FBXL7: variants seen among roughly 807,000 people sequenced by gnomAD.
FBXL7 encodes F-box and leucine rich repeat protein 7, also known as F-box/LRR-repeat protein 7.
Under a neutral mutation model 38.3 loss-of-function variants are expected in FBXL7, and 12 were observed. The ratio of observed to expected loss-of-function variants is 0.31; its 90% CI spans 0.20 to 0.51. The LOEUF (loss-of-function observed/expected upper bound fraction) is 0.51. Among genes scored for constraint, FBXL7 ranks in the 20% least tolerant of loss-of-function variants. The pLI is 0.98. For missense variants in FBXL7, 567 were observed against 676.4 expected (o/e 0.84, Z 1.79); for synonymous variants, 297 against 300.9 (o/e 0.99, Z 0.13).
chr5:15,717,083 G>A (rs1744061962), intron 2 of FBXL7, among the ~76,000 whole-genome samples: 1 of 152,148 alleles, frequency 6.6e-6, no homozygotes, highest in Non-Finnish European at 1.5e-5. Context: ...CATTCCATAT[G>A]ATTAAAGATC....
intron 2 of FBXL7, among the ~76,000 whole-genome samples, chr5:15,681,285 T>A (rs1370636635): frequency 6.6e-6 from 1 of 152,210 alleles, no homozygotes; most frequent in Non-Finnish European, 1.5e-5. Flanking sequence ...ACTTTAGAAT[T>A]ATGCTGATAA....
At chr5:15,541,429 A>ATGTG (rs1269400393) in intron 1 of FBXL7, among the ~76,000 whole-genome samples, 10 of 93,906 alleles carry the variant, frequency 1.1e-4, no homozygotes, top group African/African-American at 4.1e-4. Context: ...CATATAGTAT[A>ATGTG]TATGTGTGTG....
Position 15,938,870 on chromosome 5 carries a change from A to G in FBXL7, c.*1684A>G, listed in dbSNP as rs1435743078. On this transcript the variant is annotated 3_prime_UTR_variant, in exon 4 of 4. Transcript: ENST00000504595. ...TCACTTGTCTTTTGCTAATAAACACATGGCCCTTTCCCAGATTATTCTCTA... is the reference window on the plus strand; with the variant it reads ...TCACTTGTCTTTTGCTAATAAACACGTGGCCCTTTCCCAGATTATTCTCTA... The G allele has an allele frequency of 2.5e-6, 1 of 397,778 alleles. No homozygotes were observed. The highest frequency in any genetic ancestry group is 4.4e-6 in the Non-Finnish European group (1 of 225,848). The allele number at this position is 397,778 out of a possible 1,614,324, so 24.6% of individuals were successfully genotyped here. A position where few individuals can be genotyped will look rare whatever the true frequency, so the allele number is the denominator to read the frequency against.
At chr5:15,718,158 G>A (rs867948619) in intron 2 of FBXL7, among the ~76,000 whole-genome samples, 58 of 152,070 alleles carry the variant, frequency 3.8e-4, no homozygotes, top group Non-Finnish European at 1.3e-4. Flanking sequence ...ACTTACTTGC[G>A]CACACACAGC....
At chr5:15,688,170 A>T (rs1164981138) in intron 2 of FBXL7, among the ~76,000 whole-genome samples, 1 of 152,194 alleles carries the variant, frequency 6.6e-6, no homozygotes, top group Non-Finnish European at 1.5e-5. Context: ...GAAATTATAT[A>T]TGTCGGTTAT....
At chr5:15,698,839 AC>A (rs1743429417) in intron 2 of FBXL7, among the ~76,000 whole-genome samples, 1 of 152,138 alleles carries the variant, frequency 6.6e-6, no homozygotes, top group East Asian at 1.9e-4. Context: ...TAATCAGGAA[AC>A]CCTATTCTTT....
intron 2 of FBXL7, among the ~76,000 whole-genome samples, chr5:15,873,850 G>A (rs1740081103): frequency 6.6e-6 from 1 of 152,102 alleles, no homozygotes; most frequent in African/African-American, 2.4e-5. Context: ...AAGAGGAGCT[G>A]GTACCATTCC....
At chr5:15,588,417 C>A (rs1736668791) in intron 1 of FBXL7, among the ~76,000 whole-genome samples, 1 of 144,992 alleles carries the variant, frequency 6.9e-6, no homozygotes, top group Non-Finnish European at 1.5e-5. Context: ...TGGAGTTTCG[C>A]TCTTCATTGT....
At chr5:15,750,967 T>C (rs779518102) in intron 2 of FBXL7, among the ~76,000 whole-genome samples, 1 of 152,210 alleles carries the variant, frequency 6.6e-6, no homozygotes, top group Non-Finnish European at 1.5e-5. Flanking sequence ...ATGACATAAA[T>C]TATTGAATCC....
intron 2 of FBXL7, among the ~76,000 whole-genome samples, chr5:15,679,643 A>G (rs1269484682): frequency 2.0e-5 from 3 of 151,628 alleles, no homozygotes; most frequent in African/African-American, 7.3e-5. Flanking sequence ...AAAGTTGTGG[A>G]AAATTACATT....
chr5:15,558,579 C>G (rs1580370443), intron 1 of FBXL7, among the ~76,000 whole-genome samples: 1 of 152,236 alleles, frequency 6.6e-6, no homozygotes, highest in African/African-American at 2.4e-5. Context: ...AGGCAGTTCT[C>G]TACCTCTAGA....
intron 2 of FBXL7, among the ~76,000 whole-genome samples, chr5:15,845,143 T>C: frequency 6.6e-6 from 1 of 152,226 alleles, no homozygotes; most frequent in East Asian, 1.9e-4. Flanking sequence ...ATCCCTCTGA[T>C]TTAACTGCTG....
At chr5:15,751,679 T>C (rs1352196018) in intron 2 of FBXL7, among the ~76,000 whole-genome samples, 1 of 152,150 alleles carries the variant, frequency 6.6e-6, no homozygotes, top group Non-Finnish European at 1.5e-5. Context: ...TATGATTCAT[T>C]GTCGATTTTT....
intron 1 of FBXL7, among the ~76,000 whole-genome samples, chr5:15,547,668 A>G (rs1163365953): frequency 6.6e-6 from 1 of 152,094 alleles, no homozygotes. Context: ...CCTGCCCTTG[A>G]TTTTATACCC....
At chr5:15,916,096 C>T (rs1011725665) in intron 2 of FBXL7, among the ~76,000 whole-genome samples, 2 of 152,164 alleles carry the variant, frequency 1.3e-5, no homozygotes, top group Non-Finnish European at 2.9e-5. Flanking sequence ...CACCCTTGTA[C>T]ACATTGTATT....
chr5:15,839,836 C>G (rs376213167), intron 2 of FBXL7, among the ~76,000 whole-genome samples: 3 of 152,058 alleles, frequency 2.0e-5, no homozygotes, highest in Non-Finnish European at 4.4e-5. Context: ...TAGATCCAAG[C>G]CCCCCACTTT....
At chr5:15,501,690 T>C (rs1736490298) in intron 1 of FBXL7, 1 of 985,460 alleles carries the variant, frequency 1.0e-6, no homozygotes, top group Non-Finnish European at 1.2e-6. Context: ...ACTCTTATCA[T>C]CCTGTTCGAA....
At chr5:15,529,008 T>C (rs1430429053) in intron 1 of FBXL7, among the ~76,000 whole-genome samples, 1 of 152,224 alleles carries the variant, frequency 6.6e-6, no homozygotes, top group East Asian at 1.9e-4. Context: ...TGTTGTACGC[T>C]AGACCTCTTA....
At chr5:15,632,900 A>G (rs1460043787) in intron 2 of FBXL7, among the ~76,000 whole-genome samples, 1 of 152,214 alleles carries the variant, frequency 6.6e-6, no homozygotes, top group African/African-American at 2.4e-5. Context: ...ACTTTGAGGT[A>G]CTATGCTCAA....
Sources: allele counts gnomAD v4.1 joint callset (sites outside exome capture counted in the v4.1 genomes callset), GRCh38; gene constraint gnomAD v4.1.1; transcripts MANE v1.5; gene names NCBI Gene and HGNC (gene_info 2026-07-23, HGNC 2026-07-21).